The following RAC3 variants were observed in gnomAD, a reference collection of about 807,000 sequenced individuals.
RAC3 encodes Rac family small GTPase 3, also known as ras-related C3 botulinum toxin substrate 3.
A neutral mutation model predicts 19.0 loss-of-function variants in RAC3; 9 were observed. That is an observed-to-expected ratio of 0.47 (90% confidence interval 0.29 to 0.83). The LOEUF (loss-of-function observed/expected upper bound fraction) is 0.83, where lower values mean the gene tolerates loss of function less well. RAC3 is among the 40% of genes least tolerant of loss of function. The pLI, the probability that RAC3 is intolerant of heterozygous loss-of-function variation, is 0.09. For synonymous variants in RAC3, 146 were observed against 111.8 expected, an observed-to-expected ratio of 1.31 and a Z score of -1.93; for missense variants, 203 against 260.8, an observed-to-expected ratio of 0.78 and a Z score of 1.53.
chr17:82,032,057 C>G (rs1478497084), intron 1 of RAC3: 3 of 273,976 alleles, frequency 1.1e-5, no homozygotes, highest in Non-Finnish European at 2.0e-5. Flanking sequence ...GGCCGCCGCC[C>G]TGTCCTCCCA....
chr17:82,032,421 A>C lies in RAC3; in HGVS notation c.70A>C (p.Thr24Pro). The change falls in exon 2 of 6, where the codon ACG becomes CCG. Residue 24 changes from threonine (T) to proline (P), a missense_variant. Around this residue, in one of 3 missense-constraint regions of RAC3, gnomAD observed 49 missense variants for 67.4 expected, o/e 0.73. Transcript: ENST00000306897. ...GAAGACATGCTTGCTGATCAGCTAC[A>C]CGACCAACGCCTTCCCCGGAGAGTA... is the stretch of plus-strand genomic sequence containing the variant. Reference protein sequence around the residue: ...VGKTCLLISYTTNAFPGEYIP... With the variant: ...VGKTCLLISYPTNAFPGEYIP... The C allele has an allele frequency of 6.2e-7, 1 of 1,612,900 alleles. No individual in the cohort carries two copies. Among genetic ancestry groups the C allele is most frequent in the Non-Finnish European group, 8.5e-7 (1 of 1,179,936 alleles).
chr17:82,032,528 G>A, intron 2 of RAC3, 70 bp downstream of exon 2: 1 of 1,569,710 alleles, frequency 6.4e-7, no homozygotes, highest in Non-Finnish European at 8.8e-7. Context: ...GACACGGGCA[G>A]GGTCTCCTCT....
rs562168482 is a variant in RAC3 at position 82,033,925 on chromosome 17, G to A, written c.*96G>A. On this transcript the variant is annotated 3_prime_UTR_variant, in exon 6 of 6. Transcript: ENST00000306897. The surrounding 1 kb of genome is among the most constrained non-coding windows in gnomAD (Gnocchi z 6.2). ...GTGTGGTGTCCCTGAGTCGGCTGTG[G>A]GGAGCGGTGGGGGTGGGCCGGGGGG... 2.7e-5 allele frequency: 39 copies of A among 1,458,080 alleles called. No individual in the cohort carries two copies. The South Asian group carries it at 3.7e-4, about 14-fold the overall frequency. 90.3% of individuals were successfully genotyped at this position (1,458,080 alleles called of 1,614,324 possible).
intron 1 of RAC3, 27 bp downstream of exon 1, chr17:82,031,823 G>C: frequency 1.0e-6 from 1 of 982,022 alleles, no homozygotes; most frequent in Non-Finnish European, 1.2e-6. Context: ...GAGGCCGCTT[G>C]GCTGGGCTGG....
chr17:82,033,436 G>A lies in RAC3; in HGVS notation c.289-4G>A. 2 of 1,598,032 alleles carry A rather than the reference G, an allele frequency of 1.3e-6. No homozygotes were observed. The highest frequency in any genetic ancestry group is 1.7e-5 in the Admixed American group (1 of 58,524). ...CCTAGGGATCAGAGCGTCTGTCCCT[G>A]CAGTGGTACCCGGAGGTGCGGCACC... On this transcript the variant is annotated splice_polypyrimidine_tract_variant and splice_region_variant and intron_variant, in intron 4 of 5. Coordinates refer to ENST00000306897, the MANE Select transcript of RAC3 (RefSeq NM_005052.3). The surrounding 1 kb of genome is among the most constrained non-coding windows in gnomAD (Gnocchi z 6.2).
chr17:82,033,631 G>A lies in RAC3; in HGVS notation c.448+32G>A, dbSNP rs1256784137. The stretch of plus-strand genomic sequence containing the variant: ...AGGCGCTGGCGGCCTGCAGGGGAGG[G>A]GTGGGGAGGCGCAGTAAGGGCCTCC... On this transcript the variant is annotated intron_variant, in intron 5 of 5. Transcript: ENST00000306897. The surrounding 1 kb of genome is among the most constrained non-coding windows in gnomAD (Gnocchi z 6.2). 2.5e-6 allele frequency: 4 copies of A among 1,602,790 alleles called. No individual in the cohort carries two copies. The highest frequency in any genetic ancestry group is 1.7e-4 in the Middle Eastern group (1 of 6,044).
At position 82,033,096 on chromosome 17, in the gene RAC3, CG is replaced by C. The variant is rs10708637; in HGVS notation, c.288+90del. ...TTGTCCTTTAGAGGCAATTGCGATA[CG>C]GGTTCTGCCTGGGGTAGGCACACGG... On this transcript the variant is annotated intron_variant, in intron 4 of 5. Coordinates refer to ENST00000306897, the MANE Select transcript of RAC3 (RefSeq NM_005052.3). This position sits in a 1 kb window ranked among gnomAD's most constrained non-coding sequence, Gnocchi z 6.2. 1 allele frequency: 1,395,566 copies of C among 1,396,118 alleles called. 697,509 individuals carry two copies. Among genetic ancestry groups the C allele is most frequent in the East Asian group, 1 (43,856 of 43,856 alleles). The allele number at this position is 1,396,118 out of a possible 1,614,324, so 86.5% of individuals were successfully genotyped here.
Position 82,033,085 on chromosome 17 carries a change from C to T in RAC3, c.288+76C>T, listed in dbSNP as rs545350078. On this transcript the variant is annotated intron_variant, in intron 4 of 5. Coordinates refer to ENST00000306897, the MANE Select transcript of RAC3 (RefSeq NM_005052.3). The surrounding 1 kb of genome is among the most constrained non-coding windows in gnomAD (Gnocchi z 6.2). ...GCCCCGACAAGTTGTCCTTTAGAGGCAATTGCGATACGGGTTCTGCCTGGG... is the reference window on the plus strand; with the variant it reads ...GCCCCGACAAGTTGTCCTTTAGAGGTAATTGCGATACGGGTTCTGCCTGGG... 6.5e-6 allele frequency: 9 copies of T among 1,389,944 alleles called. No homozygotes were observed. The highest frequency in any genetic ancestry group is 2.4e-5 in the East Asian group (1 of 41,254). 86.1% of individuals were successfully genotyped at this position (1,389,944 alleles called of 1,614,324 possible).
rs377254852 is a variant in RAC3 at position 82,033,811 on chromosome 17, G to C, written c.561G>C (p.Lys187Asn). 9.3e-6 allele frequency: 15 copies of C among 1,605,776 alleles called. No homozygotes were observed. The highest frequency in any genetic ancestry group is 1.6e-4 in the Middle Eastern group (1 of 6,074). Reference sequence around the variant, plus strand: ...CGCCCCCAGTGAAGAAGCCGGGGAAGAAGTGCACCGTCTTCTAGAGCCCTG... The same window carrying C: ...CGCCCCCAGTGAAGAAGCCGGGGAACAAGTGCACCGTCTTCTAGAGCCCTG... ...LCPPPVKKPGKKCTVF is the reference protein window; with the variant it reads ...LCPPPVKKPGNKCTVF Residue 187 changes from lysine to asparagine, a missense_variant, in exon 6 of 6, where the codon AAG becomes AAC. By Grantham distance (94) the Lys-to-Asn change is moderately conservative (BLOSUM62 0). This residue lies in a region of RAC3 where 142 missense variants were observed against 158.2 expected (regional missense o/e 0.90). Coordinates refer to ENST00000306897, the MANE Select transcript of RAC3 (RefSeq NM_005052.3). This position sits in a 1 kb window ranked among gnomAD's most constrained non-coding sequence, Gnocchi z 6.2.
chr17:82,031,797 G>A lies in RAC3; in HGVS notation c.35+1G>A. The A allele has an allele frequency of 2.0e-6, 2 of 993,972 alleles. No individual in the cohort carries two copies. Among genetic ancestry groups the A allele is most frequent in the Non-Finnish European group, 2.4e-6 (2 of 837,140 alleles). The allele number at this position is 993,972 out of a possible 1,614,324, so 61.6% of individuals were successfully genotyped here. On this transcript the variant is annotated splice_donor_variant, in intron 1 of 5. Transcript: ENST00000306897. LOFTEE classifies it high-confidence loss of function. ...TCAAGTGCGTGGTGGTCGGCGACGG[G>A]TGAGTGCGCGGCCCGGAGGCCGCTT... is the stretch of plus-strand genomic sequence containing the variant.
Position 82,033,629 on chromosome 17 carries a change from G to T in RAC3, c.448+30G>T. ...GTAGGCGCTGGCGGCCTGCAGGGGA[G>T]GGGTGGGGAGGCGCAGTAAGGGCCT... On this transcript the variant is annotated intron_variant, in intron 5 of 5. Coordinates refer to ENST00000306897, the MANE Select transcript of RAC3 (RefSeq NM_005052.3). This position sits in a 1 kb window ranked among gnomAD's most constrained non-coding sequence, Gnocchi z 6.2. The T allele has an allele frequency of 6.2e-7, 1 of 1,602,602 alleles. No individual in the cohort carries two copies. Among genetic ancestry groups the T allele is most frequent in the South Asian group, 1.1e-5 (1 of 90,436 alleles).
Position 82,033,353 on chromosome 17 carries a change from G to A in RAC3, c.289-87G>A, listed in dbSNP as rs2043451673. On this transcript the variant is annotated intron_variant, in intron 4 of 5. Coordinates refer to ENST00000306897, the MANE Select transcript of RAC3 (RefSeq NM_005052.3). The surrounding 1 kb of genome is among the most constrained non-coding windows in gnomAD (Gnocchi z 6.2). ...AGCCAAGTGTAGCTCTGGAACAGTGGGGAAAGTCCCTGAGGGCCGTGACTT... is the reference window on the plus strand; with the variant it reads ...AGCCAAGTGTAGCTCTGGAACAGTGAGGAAAGTCCCTGAGGGCCGTGACTT... 7.1e-6 allele frequency: 10 copies of A among 1,401,512 alleles called. No individual in the cohort carries two copies. The South Asian group carries it at 1.0e-4, about 14-fold the overall frequency. The allele number at this position is 1,401,512 out of a possible 1,614,324, so 86.8% of individuals were successfully genotyped here. A position where few individuals can be genotyped will look rare whatever the true frequency, so the allele number is the denominator to read the frequency against.
In RAC3 at chr17:82,033,613, G is replaced by A; in HGVS notation, c.448+14G>A. The A allele has an allele frequency of 6.2e-7, 1 of 1,605,816 alleles. No homozygotes were observed. Among genetic ancestry groups the A allele is most frequent in the South Asian group, 1.1e-5 (1 of 90,608 alleles). On this transcript the variant is annotated intron_variant, in intron 5 of 5. Coordinates refer to ENST00000306897, the MANE Select transcript of RAC3 (RefSeq NM_005052.3). The surrounding 1 kb of genome is among the most constrained non-coding windows in gnomAD (Gnocchi z 6.2). ...CCCGGGAGATTGGTGGGTAGGCGCT[G>A]GCGGCCTGCAGGGGAGGGGTGGGGA...
At position 82,034,017 on chromosome 17, in the gene RAC3, C is replaced by G. The variant is rs1430369448; in HGVS notation, c.*188C>G. On this transcript the variant is annotated 3_prime_UTR_variant, in exon 6 of 6. Transcript: ENST00000306897. ...TGCCGCCTCATTCTGGGGTGTGGCT[C>G]CAGCCTTCCCTGGCCCCCGCCGGAG... is the stretch of plus-strand genomic sequence containing the variant. The G allele has an allele frequency of 1.4e-6, 1 of 735,844 alleles. No individual in the cohort carries two copies. Among genetic ancestry groups the G allele is most frequent in the African/African-American group, 1.8e-5 (1 of 55,488 alleles). 45.6% of individuals were successfully genotyped at this position (735,844 alleles called of 1,614,324 possible). A position where few individuals can be genotyped will look rare whatever the true frequency, so the allele number is the denominator to read the frequency against.
intron 3 of RAC3, 28 bp from the exon 4 acceptor site, chr17:82,032,919 C>T (rs2043445820): frequency 1.2e-6 from 2 of 1,612,240 alleles, no homozygotes; most frequent in Non-Finnish European, 1.7e-6. Context: ...CCCCTGACCA[C>T]TCCACCAGGT....
At position 82,033,238 on chromosome 17, in the gene RAC3, C is replaced by T. The variant is rs538222581; in HGVS notation, c.289-202C>T. ...CTGGGGATGGGCCTTGACTAGGAGG[C>T]CCTGGGAGGTCTCCAGGTTCCCTGG... is the stretch of plus-strand genomic sequence containing the variant. On this transcript the variant is annotated intron_variant, in intron 4 of 5. Coordinates refer to ENST00000306897, the MANE Select transcript of RAC3 (RefSeq NM_005052.3). This position sits in a 1 kb window ranked among gnomAD's most constrained non-coding sequence, Gnocchi z 6.2. Among the ~76,000 whole-genome samples, 18 of 152,142 alleles carry T rather than the reference C, an allele frequency of 1.2e-4. No individual in the cohort carries two copies. The highest frequency in any genetic ancestry group is 6.5e-4 in the Admixed American group (10 of 15,276).
At position 82,033,637 on chromosome 17, in the gene RAC3, G is replaced by A. The variant is rs1236100920; in HGVS notation, c.448+38G>A. On this transcript the variant is annotated intron_variant, in intron 5 of 5. Transcript: ENST00000306897. This position sits in a 1 kb window ranked among gnomAD's most constrained non-coding sequence, Gnocchi z 6.2. Reference sequence around the variant, plus strand: ...TGGCGGCCTGCAGGGGAGGGGTGGGGAGGCGCAGTAAGGGCCTCCCTGTAC... The same window carrying A: ...TGGCGGCCTGCAGGGGAGGGGTGGGAAGGCGCAGTAAGGGCCTCCCTGTAC... 1 of 1,602,882 alleles carries A rather than the reference G, an allele frequency of 6.2e-7. No homozygotes were observed. The highest frequency in any genetic ancestry group is 8.5e-7 in the Non-Finnish European group (1 of 1,172,616).
chr17:82,031,820 C>T (rs1051912556), intron 1 of RAC3, 24 bp downstream of exon 1: 13 of 342,020 alleles, frequency 3.8e-5, no homozygotes, highest in African/African-American at 2.7e-4. Context: ...CCGGAGGCCG[C>T]TTGGCTGGGC....
rs543871856 is a variant in RAC3, at chr17:82,033,917, C to T, written c.*88C>T. The T allele has an allele frequency of 2.3e-5, 31 of 1,341,498 alleles. No individual in the cohort carries two copies. The highest frequency in any genetic ancestry group is 1.9e-4 in the African/African-American group (13 of 66,894). 83.1% of individuals were successfully genotyped at this position (1,341,498 alleles called of 1,614,324 possible). A position where few individuals can be genotyped will look rare whatever the true frequency, so the allele number is the denominator to read the frequency against. ...GTTGAGACGTGTGGTGTCCCTGAGT[C>T]GGCTGTGGGGAGCGGTGGGGGTGGG... is the stretch of plus-strand genomic sequence containing the variant. On this transcript the variant is annotated 3_prime_UTR_variant, in exon 6 of 6. Coordinates refer to ENST00000306897, the MANE Select transcript of RAC3 (RefSeq NM_005052.3). The surrounding 1 kb of genome is among the most constrained non-coding windows in gnomAD (Gnocchi z 6.2).
Sources: gnomAD v4.1 joint callset for allele counts (sites outside exome capture counted in the v4.1 genomes callset) on GRCh38, gnomAD v4.1.1 for gene constraint, gnomAD v4.1.1 regional missense constraint, Gnocchi (gnomAD v3.1) non-coding constraint, MANE v1.5 for transcripts, NCBI Gene and HGNC (gene_info 2026-07-23, HGNC 2026-07-21) for gene names.